ZNF638: variants seen among roughly 807,000 people sequenced by gnomAD.
The protein encoded by ZNF638 is zinc finger protein 638.
ZNF638 carries 46 observed loss-of-function variants against 195.6 expected under a neutral mutation model. The ratio of observed to expected loss-of-function variants is 0.24; its 90% CI spans 0.19 to 0.30. The LOEUF (loss-of-function observed/expected upper bound fraction) is 0.30, where lower values mean the gene tolerates loss of function less well. ZNF638 is among the 10% of genes least tolerant of loss of function. ZNF638 has a pLI of 1.00. For missense variants in ZNF638, 2,440 were observed against 2,325.3 expected (o/e 1.05, Z -1.01); for synonymous variants, 845 against 772.0 (o/e 1.09, Z -1.57).
chr2:71,429,154 A>G (rs1243536197), intron 25 of ZNF638, among the ~76,000 whole-genome samples: 2 of 152,224 alleles, frequency 1.3e-5, no homozygotes, highest in African/African-American at 4.8e-5. Flanking sequence ...CTTGCTCTCA[A>G]GGGGTTTATT....
chr2:71,387,579 G>GA (rs1414186121), intron 10 of ZNF638, among the ~76,000 whole-genome samples: 2 of 151,924 alleles, frequency 1.3e-5, no homozygotes, highest in Non-Finnish European at 2.9e-5. Flanking sequence ...GCTGAGGCAG[G>GA]AGAATTGCCT....
intron 16 of ZNF638, among the ~76,000 whole-genome samples, chr2:71,403,189 A>G (rs2080040868): frequency 6.6e-6 from 1 of 152,188 alleles, no homozygotes; most frequent in Non-Finnish European, 1.5e-5. Context: ...TGTTTAAAAA[A>G]GGGAACAGGA....
At chr2:71,404,641 T>C (rs942910862) in intron 17 of ZNF638, among the ~76,000 whole-genome samples, 1 of 152,174 alleles carries the variant, frequency 6.6e-6, no homozygotes, top group Non-Finnish European at 1.5e-5. Flanking sequence ...CCCTTGAGCC[T>C]AGGAGTTTGA....
intron 25 of ZNF638, 33 bp from the exon 26 acceptor site, chr2:71,431,294 T>C (rs1329303691): frequency 6.4e-7 from 1 of 1,568,824 alleles, no homozygotes; most frequent in Admixed American, 1.7e-5. Flanking sequence ...GTAAATCTAT[T>C]CTGAATAGCT....
intron 10 of ZNF638, chr2:71,395,324 A>G (rs2079871124): frequency 5.6e-6 from 4 of 715,590 alleles, no homozygotes; most frequent in Non-Finnish European, 7.8e-6. Flanking sequence ...TCTTCAATCA[A>G]CAAAACCTGA....
chr2:71,352,658 T>A (rs1322329969), intron 2 of ZNF638, among the ~76,000 whole-genome samples: 1 of 152,096 alleles, frequency 6.6e-6, no homozygotes, highest in Non-Finnish European at 1.5e-5. Context: ...CCTAGGAGTT[T>A]AGACTTGAGG....
chr2:71,391,980 A>G (rs2079789623), intron 10 of ZNF638, among the ~76,000 whole-genome samples: 2 of 152,218 alleles, frequency 1.3e-5, no homozygotes, highest in African/African-American at 2.4e-5. Context: ...TGCGCTTCCT[A>G]GAATGTGTTT....
chr2:71,335,119 C>G (rs566356312), intron 1 of ZNF638, among the ~76,000 whole-genome samples: 1 of 152,272 alleles, frequency 6.6e-6, no homozygotes, highest in East Asian at 1.9e-4. Flanking sequence ...TCCCTGCGGC[C>G]TCTACCTCCT....
In ZNF638 at chr2:71,368,455, A is replaced by G; in HGVS notation, c.2069A>G (p.Glu690Gly). The change falls in exon 7 of 28, where the codon GAA becomes GGA. Residue 690 changes from glutamate to glycine, a missense_variant. This residue lies in a region of ZNF638 where 1,883 missense variants were observed against 1,739.1 expected (regional missense o/e 1.08). Transcript: ENST00000264447. ...GAATTACCAGAGGATGGTTGTACTG[A>G]AGAAGATGTGAGAAAATTATTTCAA... ...ITELPEDGCT[E>G]EDVRKLFQPF... The G allele has an allele frequency of 6.2e-7, 1 of 1,613,692 alleles. No individual in the cohort carries two copies. The highest frequency in any genetic ancestry group is 1.3e-5 in the African/African-American group (1 of 75,044).
At chr2:71,369,808 G>T (rs768949824) in intron 7 of ZNF638, 75 bp from the exon 8 acceptor site, 79 of 1,433,488 alleles carry the variant, frequency 5.5e-5, no homozygotes, top group Non-Finnish European at 6.9e-5. Flanking sequence ...CAAAAGAAAG[G>T]ATTAAGCCCA....
intron 1 of ZNF638, among the ~76,000 whole-genome samples, chr2:71,341,489 C>G (rs1296282036): frequency 6.6e-6 from 1 of 151,916 alleles, no homozygotes; most frequent in Non-Finnish European, 1.5e-5. Context: ...TGAACGTACA[C>G]TAAAGTAGAT....
At chr2:71,396,106 A>G in intron 10 of ZNF638, 35 bp from the exon 11 acceptor site, 1 of 1,589,742 alleles carries the variant, frequency 6.3e-7, no homozygotes, top group Non-Finnish European at 8.6e-7. Context: ...TGTTATTTGT[A>G]ATGTAGTACT....
intron 20 of ZNF638, among the ~76,000 whole-genome samples, chr2:71,417,483 G>A (rs1457760541): frequency 1.3e-5 from 2 of 152,256 alleles, no homozygotes; most frequent in Non-Finnish European, 2.9e-5. Flanking sequence ...GTTCCTATTC[G>A]GCCATCTTGG....
At chr2:71,358,010 G>C (rs2079051922) in intron 3 of ZNF638, among the ~76,000 whole-genome samples, 1 of 152,052 alleles carries the variant, frequency 6.6e-6, no homozygotes, top group Admixed American at 6.5e-5. Context: ...GGTGTTAGTT[G>C]GGCCACCATT....
intron 27 of ZNF638, among the ~76,000 whole-genome samples, chr2:71,434,097 C>T (rs1295369098): frequency 6.6e-6 from 1 of 152,190 alleles, no homozygotes; most frequent in Non-Finnish European, 1.5e-5. Context: ...CTTCATATTG[C>T]ACTTGGTCTA....
chr2:71,411,474 A>T (rs867163454), intron 20 of ZNF638, among the ~76,000 whole-genome samples: 6,525 of 122,474 alleles, frequency 0.053, 219 homozygotes, highest in Non-Finnish European at 0.077. Flanking sequence ...TTTATTTTTA[A>T]TTTTTTTTTT....
chr2:71,352,071 T>G (rs1424838004), intron 2 of ZNF638, among the ~76,000 whole-genome samples: 1 of 152,196 alleles, frequency 6.6e-6, no homozygotes, highest in Non-Finnish European at 1.5e-5. Context: ...TAATGGAATG[T>G]CAGTTACTAA....
intron 27 of ZNF638, 132 bp from the exon 28 acceptor site, chr2:71,434,610 A>AT: frequency 1.4e-6 from 1 of 709,788 alleles, no homozygotes. Context: ...AGAAATGGTT[A>AT]TATAAGGCAC....
chr2:71,387,719 A>G (rs921522839), intron 10 of ZNF638, among the ~76,000 whole-genome samples: 3 of 152,186 alleles, frequency 2.0e-5, no homozygotes, highest in Admixed American at 1.3e-4. Flanking sequence ...AAGATTTACT[A>G]TGATACATAA....
Sources: gnomAD v4.1 joint callset for allele counts (sites outside exome capture counted in the v4.1 genomes callset) on GRCh38, gnomAD v4.1.1 for gene constraint, gnomAD v4.1.1 regional missense constraint, MANE v1.5 for transcripts, NCBI Gene and HGNC (gene_info 2026-07-23, HGNC 2026-07-21) for gene names.